Variants in NMNAT2 observed in about 807,000 individuals in gnomAD.
NMNAT2 encodes nicotinamide/nicotinic acid mononucleotide adenylyltransferase 2.
A neutral mutation model predicts 41.6 loss-of-function variants in NMNAT2; 11 were observed. The observed-to-expected ratio is 0.26, with a 90% CI of 0.17 to 0.44. The LOEUF (loss-of-function observed/expected upper bound fraction) is 0.44. Ranked by LOEUF, NMNAT2 falls within the 20% of genes least tolerant of loss-of-function variation. The probability of loss-of-function intolerance (pLI) is 1.00; values close to 1 mark genes in which losing one functional copy is unlikely to be tolerated. For synonymous variants in NMNAT2, 148 were observed against 151.2 expected, an observed-to-expected ratio of 0.98 and a Z score of 0.16; for missense variants, 288 against 407.7, an observed-to-expected ratio of 0.71 and a Z score of 2.53.
intron 8 of NMNAT2, among the ~76,000 whole-genome samples, chr1:183,263,762 C>G (rs909055936): frequency 6.6e-6 from 1 of 152,160 alleles, no homozygotes; most frequent in African/African-American, 2.4e-5. Flanking sequence ...GAGCTGAGAT[C>G]GCGCCACTGC....
rs1661320633 is a variant in NMNAT2, at chr1:183,283,505, ATTGGGTTGGGCAGGCAGC to A, written c.574+472_574+489del. On this transcript the variant is annotated intron_variant, in intron 7 of 10. Coordinates refer to ENST00000287713, the MANE Select transcript of NMNAT2 (RefSeq NM_015039.4). ...CGGGCCTGCCCTGGCCTGCTCTGGT[ATTGGGTTGGGCAGGCAGC>A]CCTCACACAGACAGTGAAGTGCCTT... 3.0e-4 allele frequency: 56 copies of A among 187,994 alleles called. 1 individual carries two copies. In the South Asian group the frequency reaches 4.9e-3, roughly 17 times the overall value. 11.6% of individuals were successfully genotyped at this position (187,994 alleles called of 1,614,324 possible).
chr1:183,296,575 T>C (rs7535467), intron 1 of NMNAT2, among the ~76,000 whole-genome samples: 83,430 of 151,538 alleles, frequency 0.55, 24,283 homozygotes, highest in Non-Finnish European at 0.64. Flanking sequence ...TACAGTGGCA[T>C]CATCTTGGCT....
intron 1 of NMNAT2, among the ~76,000 whole-genome samples, chr1:183,378,422 G>A (rs1024286682): frequency 2.0e-5 from 3 of 150,896 alleles, no homozygotes; most frequent in African/African-American, 4.9e-5. Flanking sequence ...AGGTGTGGTG[G>A]TGCACACCTA....
At chr1:183,352,261 T>C (rs549811428) in intron 1 of NMNAT2, among the ~76,000 whole-genome samples, 3 of 152,164 alleles carry the variant, frequency 2.0e-5, no homozygotes, top group Admixed American at 6.5e-5. Flanking sequence ...CACCTTGACA[T>C]TGGATAAGAG....
rs12565018 is a variant in NMNAT2, at chr1:183,327,682, C to A, written c.86-33889G>T. ...GATGTTTATTCGCCAGCACTGAGTTCTCTGTACTCACAAACTAGGCAATTT... is the reference window on the plus strand; with the variant it reads ...GATGTTTATTCGCCAGCACTGAGTTATCTGTACTCACAAACTAGGCAATTT... On this transcript the variant is annotated intron_variant, in intron 1 of 10. Coordinates refer to ENST00000287713, the MANE Select transcript of NMNAT2 (RefSeq NM_015039.4). Among the ~76,000 whole-genome samples the A allele has an allele frequency of 1.2e-3, 183 of 152,334 alleles. 3 individuals carry two copies. The East Asian group carries it at 0.033, about 27-fold the overall frequency.
At chr1:183,389,789 A>G (rs1034963538) in intron 1 of NMNAT2, among the ~76,000 whole-genome samples, 4 of 74,868 alleles carry the variant, frequency 5.3e-5, no homozygotes, top group Non-Finnish European at 8.7e-5. Context: ...AGAAAGAAAG[A>G]AAGAAAGAAA....
intron 1 of NMNAT2, among the ~76,000 whole-genome samples, chr1:183,411,751 A>C (rs1459352081): frequency 2.0e-5 from 3 of 152,208 alleles, no homozygotes; most frequent in African/African-American, 7.2e-5. Context: ...TAAGAAAACA[A>C]GAAATAACAT....
At chr1:183,368,377 G>T (rs975129420) in intron 1 of NMNAT2, among the ~76,000 whole-genome samples, 1 of 152,188 alleles carries the variant, frequency 6.6e-6, no homozygotes, top group Non-Finnish European at 1.5e-5. Context: ...TAAGGACAGA[G>T]AAGTCTTTTC....
At chr1:183,355,329 C>G (rs1663161125) in intron 1 of NMNAT2, among the ~76,000 whole-genome samples, 1 of 152,190 alleles carries the variant, frequency 6.6e-6, no homozygotes, top group African/African-American at 2.4e-5. Context: ...TAGTGGTTCT[C>G]CAAGTGTGTT....
At chr1:183,292,971 G>T in intron 2 of NMNAT2, 114 bp from the exon 3 acceptor site, 1 of 949,754 alleles carries the variant, frequency 1.1e-6, no homozygotes, top group Non-Finnish European at 1.7e-6. Flanking sequence ...AGTGGTGAGA[G>T]GGAATGAAGA....
chr1:183,411,940 G>T (rs1649128946), intron 1 of NMNAT2, among the ~76,000 whole-genome samples: 1 of 152,146 alleles, frequency 6.6e-6, no homozygotes, highest in Non-Finnish European at 1.5e-5. Flanking sequence ...GAGCGAATGA[G>T]ACATGGGCTA....
chr1:183,385,937 G>A (rs1225058306), intron 1 of NMNAT2, among the ~76,000 whole-genome samples: 1 of 152,158 alleles, frequency 6.6e-6, no homozygotes, highest in East Asian at 1.9e-4. Context: ...CGGTGCCTAT[G>A]AGTCACTGAT....
At chr1:183,338,154 A>G (rs1557882332) in intron 1 of NMNAT2, among the ~76,000 whole-genome samples, 1 of 148,922 alleles carries the variant, frequency 6.7e-6, no homozygotes, top group African/African-American at 2.5e-5. Flanking sequence ...CTCTTTAAAA[A>G]AAAAAAAAAA....
At chr1:183,359,035 T>C (rs1452131473) in intron 1 of NMNAT2, among the ~76,000 whole-genome samples, 4 of 152,146 alleles carry the variant, frequency 2.6e-5, no homozygotes, top group Admixed American at 2.0e-4. Flanking sequence ...CATTGCATAT[T>C]GAGCTGTTCA....
At chr1:183,296,934 C>T (rs1661717327) in intron 1 of NMNAT2, among the ~76,000 whole-genome samples, 1 of 152,108 alleles carries the variant, frequency 6.6e-6, no homozygotes, top group African/African-American at 2.4e-5. Flanking sequence ...CAGCCTCTCC[C>T]TGTTTCTCTT....
intron 8 of NMNAT2, among the ~76,000 whole-genome samples, chr1:183,262,983 C>T (rs746876169): frequency 5.3e-5 from 8 of 152,182 alleles, no homozygotes; most frequent in Non-Finnish European, 8.8e-5. Context: ...GGCACGGTGG[C>T]CCCTTCTCTC....
At chr1:183,391,786 C>T (rs1052876259) in intron 1 of NMNAT2, among the ~76,000 whole-genome samples, 4 of 152,188 alleles carry the variant, frequency 2.6e-5, no homozygotes, top group Non-Finnish European at 4.4e-5. Context: ...TCTGTGCTCA[C>T]CTTACTTGTC....
At chr1:183,296,487 A>G (rs939648469) in intron 1 of NMNAT2, among the ~76,000 whole-genome samples, 2 of 151,426 alleles carry the variant, frequency 1.3e-5, no homozygotes, top group Non-Finnish European at 2.9e-5. Flanking sequence ...TTGGATTTTA[A>G]TAAGTGTGTC....
At chr1:183,292,683 C>T (rs886691542) in intron 3 of NMNAT2, 107 bp downstream of exon 3, 1 of 1,015,334 alleles carries the variant, frequency 9.8e-7, no homozygotes, top group African/African-American at 1.6e-5. Flanking sequence ...CCCCTGCCTC[C>T]CCATCCTTTC....
Sources: allele counts gnomAD v4.1 joint callset (sites outside exome capture counted in the v4.1 genomes callset), GRCh38; gene constraint gnomAD v4.1.1; transcripts MANE v1.5; gene names NCBI Gene and HGNC (gene_info 2026-07-23, HGNC 2026-07-21).